Variants in BTAF1 observed in about 807,000 individuals in gnomAD.
The protein encoded by BTAF1 is B-TFIID TATA-box binding protein associated factor 1.
Under a neutral mutation model 227.1 loss-of-function variants are expected in BTAF1, and 38 were observed. The observed-to-expected ratio is 0.17, with a 90% CI of 0.13 to 0.22. The LOEUF (loss-of-function observed/expected upper bound fraction) is 0.22. Ranked by LOEUF, BTAF1 falls within the 10% of genes least tolerant of loss-of-function variation. The probability of loss-of-function intolerance (pLI) is 1.00; values close to 1 mark genes in which losing one functional copy is unlikely to be tolerated. For missense variants in BTAF1, 1,598 were observed against 2,204.0 expected (o/e 0.73, Z 5.51); for synonymous variants, 742 against 751.9 (o/e 0.99, Z 0.21).
intron 14 of BTAF1, among the ~76,000 whole-genome samples, chr10:91,971,687 G>A (rs924438517): frequency 2.0e-5 from 3 of 151,980 alleles, no homozygotes; most frequent in African/African-American, 7.3e-5. Flanking sequence ...GGTCAGGCTA[G>A]TCTTGAACTC....
chr10:91,972,913 G>T (rs915203904), intron 14 of BTAF1, among the ~76,000 whole-genome samples: 3 of 152,158 alleles, frequency 2.0e-5, no homozygotes, highest in African/African-American at 7.2e-5. Flanking sequence ...TTGTATTGGA[G>T]ATATTATATA....
intron 13 of BTAF1, among the ~76,000 whole-genome samples, chr10:91,965,312 C>T (rs1564679102): frequency 1.3e-5 from 2 of 152,096 alleles, no homozygotes; most frequent in Non-Finnish European, 2.9e-5. Context: ...GATTGGTAAT[C>T]TTTTTCTGCA....
At chr10:91,946,731 C>T (rs1214447460) in intron 4 of BTAF1, among the ~76,000 whole-genome samples, 7 of 152,068 alleles carry the variant, frequency 4.6e-5, no homozygotes, top group Admixed American at 3.3e-4. Flanking sequence ...ATAACTTGCA[C>T]GTTTTTCATT....
intron 19 of BTAF1, 115 bp downstream of exon 19, chr10:91,984,519 T>C: frequency 1.2e-6 from 1 of 838,718 alleles, no homozygotes; most frequent in Non-Finnish European, 1.8e-6. Context: ...GTATGTGGCT[T>C]GGTAGCCTGT....
intron 23 of BTAF1, among the ~76,000 whole-genome samples, chr10:91,995,647 G>C (rs1001952876): frequency 1.3e-5 from 2 of 151,378 alleles, no homozygotes; most frequent in Non-Finnish European, 2.9e-5. Context: ...CTGCACTCTA[G>C]CCTAGGCGAC....
chr10:91,945,486 C>G (rs898377899), intron 4 of BTAF1, among the ~76,000 whole-genome samples: 3 of 152,152 alleles, frequency 2.0e-5, no homozygotes, highest in African/African-American at 7.2e-5. Context: ...ACCATTCTTT[C>G]TGTCTCCATG....
At position 92,024,966 on chromosome 10, in the gene BTAF1, C is replaced by T. The variant is rs745851488; in HGVS notation, c.5074C>T (p.Arg1692Trp). The change falls in exon 35 of 38, where the codon CGG (arginine) becomes TGG (tryptophan). Residue 1692 changes from arginine to tryptophan, a missense_variant and splice_region_variant. Arg to Trp is a moderately radical substitution (Grantham distance 101, BLOSUM62 -3). This residue lies in a region of BTAF1 where 205 missense variants were observed against 244.5 expected (regional missense o/e 0.84). Transcript: ENST00000265990. ...TGGTCAGAGGCATTCCATTGTTTCC[C>T]GGTAAGTGGCTTCTAAGACTCTTAT... ...PPGQRHSIVS[R>W]FNNDPSIDVL... 20 of 1,612,598 alleles carry T rather than the reference C, an allele frequency of 1.2e-5. No homozygotes were observed. The highest frequency in any genetic ancestry group is 1.1e-4 in the East Asian group (5 of 44,886).
At chr10:91,958,428 G>A (rs1465471043) in intron 8 of BTAF1, among the ~76,000 whole-genome samples, 3 of 152,134 alleles carry the variant, frequency 2.0e-5, no homozygotes, top group East Asian at 1.9e-4. Context: ...TGGGCTGGGC[G>A]TGGTGGCTCA....
intron 11 of BTAF1, among the ~76,000 whole-genome samples, chr10:91,961,305 A>G (rs1846492767): frequency 6.6e-6 from 1 of 152,218 alleles, no homozygotes. Context: ...ATTGGCCTAT[A>G]TAGGCATTTC....
intron 4 of BTAF1, among the ~76,000 whole-genome samples, chr10:91,944,129 G>A (rs1181370146): frequency 6.7e-6 from 1 of 149,470 alleles, no homozygotes; most frequent in Non-Finnish European, 1.5e-5. Context: ...TCCAGCCTGG[G>A]TGACAAGAGT....
At chr10:91,939,843 T>A in intron 2 of BTAF1, 109 bp from the exon 3 acceptor site, 1 of 617,360 alleles carries the variant, frequency 1.6e-6, no homozygotes, top group East Asian at 2.9e-5. Flanking sequence ...TGTATTTGGA[T>A]GGCTGCCAAA....
At chr10:91,937,479 G>A (rs1844706084) in intron 2 of BTAF1, among the ~76,000 whole-genome samples, 1 of 152,012 alleles carries the variant, frequency 6.6e-6, no homozygotes, top group Admixed American at 6.6e-5. Flanking sequence ...CTTCACTCAT[G>A]CCCAGATCCT....
At chr10:92,028,522 TACATAC>T (rs1416931792) in intron 37 of BTAF1, among the ~76,000 whole-genome samples, 2 of 152,184 alleles carry the variant, frequency 1.3e-5, no homozygotes, top group African/African-American at 4.8e-5. Flanking sequence ...CATCCATATA[TACATAC>T]ACATATATAA....
At chr10:91,985,977 A>G (rs997091766) in intron 19 of BTAF1, among the ~76,000 whole-genome samples, 1 of 149,546 alleles carries the variant, frequency 6.7e-6, no homozygotes, top group Non-Finnish European at 1.5e-5. Context: ...ATTCTAATTT[A>G]TCAGTTGTTT....
chr10:91,978,188 T>C (rs1163648338), intron 14 of BTAF1, among the ~76,000 whole-genome samples: 5 of 152,316 alleles, frequency 3.3e-5, no homozygotes. Context: ...TCTGGCTGTT[T>C]TTAATAATTA....
chr10:91,977,161 G>T lies in BTAF1; in HGVS notation c.1651-3293G>T, dbSNP rs527457870. 2.0e-5 allele frequency among the ~76,000 whole-genome samples: 3 copies of T among 152,130 alleles called. No homozygotes were observed. The South Asian group carries it at 6.2e-4, about 32-fold the overall frequency. ...GGTTTGGTGGAGGGCAACATGGAAG[G>T]GGGGTATAGATAGTTAGAAGTTTAA... On this transcript the variant is annotated intron_variant, in intron 14 of 37. Coordinates refer to ENST00000265990, the MANE Select transcript of BTAF1 (RefSeq NM_003972.3).
chr10:92,013,460 G>C (rs536939715), intron 30 of BTAF1, among the ~76,000 whole-genome samples: 1 of 152,300 alleles, frequency 6.6e-6, no homozygotes, highest in South Asian at 2.1e-4. Context: ...GAGACTTGAG[G>C]ATTTCCCCCA....
At chr10:91,988,708 C>T (rs1848566881) in intron 19 of BTAF1, among the ~76,000 whole-genome samples, 1 of 152,238 alleles carries the variant, frequency 6.6e-6, no homozygotes, top group African/African-American at 2.4e-5. Flanking sequence ...CACTTAGCCA[C>T]TTAGTAAACA....
At chr10:92,013,333 A>G (rs983691249) in intron 30 of BTAF1, among the ~76,000 whole-genome samples, 1 of 152,150 alleles carries the variant, frequency 6.6e-6, no homozygotes, top group Non-Finnish European at 1.5e-5. Flanking sequence ...CATTCCTTAA[A>G]TCTTGCTGTT....
Sources: gnomAD v4.1 joint callset for allele counts (sites outside exome capture counted in the v4.1 genomes callset) on GRCh38, gnomAD v4.1.1 for gene constraint, gnomAD v4.1.1 regional missense constraint, MANE v1.5 for transcripts, NCBI Gene and HGNC (gene_info 2026-07-23, HGNC 2026-07-21) for gene names.